RFX8: variants seen among roughly 807,000 people sequenced by gnomAD.
RFX8 encodes the protein regulatory factor X8.
A neutral mutation model predicts 54.6 loss-of-function variants in RFX8; 46 were observed. That is an observed-to-expected ratio of 0.84 (90% confidence interval 0.67 to 1.08). RFX8 has a LOEUF of 1.08. RFX8 is among the 50% of genes least tolerant of loss of function. RFX8 has a pLI of 0.00. For synonymous variants in RFX8, 192 were observed against 209.5 expected, an observed-to-expected ratio of 0.92 and a Z score of 0.72; for missense variants, 536 against 562.3, an observed-to-expected ratio of 0.95 and a Z score of 0.47.
chr2:101,421,304 C>T (rs960729960), intron 4 of RFX8: 21 of 987,616 alleles, frequency 2.1e-5, no homozygotes, highest in South Asian at 4.7e-5. Flanking sequence ...TAAATCCAAT[C>T]GTGACAATAC....
intron 2 of RFX8, among the ~76,000 whole-genome samples, chr2:101,439,464 C>T (rs1687964419): frequency 6.6e-6 from 1 of 152,000 alleles, no homozygotes; most frequent in Non-Finnish European, 1.5e-5. Context: ...TGTGCAAGTC[C>T]CAGTGATTTT....
rs180738859 is a variant in RFX8 at position 101,403,219 on chromosome 2, C to T, written c.929-467G>A. ...CTTGCCCCTCTTGCAGACCCTGTGG[C>T]TGCAGCTCTTTGTGTGGGAAGTGGG... On this transcript the variant is annotated intron_variant, in intron 10 of 11. Transcript: ENST00000428343. Among the ~76,000 whole-genome samples, 502 of 152,068 alleles carry T rather than the reference C, an allele frequency of 3.3e-3. 3 individuals are homozygous for T. The highest frequency in any genetic ancestry group is 0.011 in the African/African-American group (468 of 41,550).
intron 2 of RFX8, among the ~76,000 whole-genome samples, chr2:101,442,547 C>A (rs886601720): frequency 3.3e-5 from 5 of 151,132 alleles, no homozygotes; most frequent in Admixed American, 1.3e-4. Flanking sequence ...GCCCTTGAAA[C>A]CTTTTGTGCC....
Position 101,402,514 on chromosome 2 carries a change from C to T in RFX8, c.1167G>A (p.Gln389=), listed in dbSNP as rs1397412439. ...PLGVMPTHMG[Q]GRYPVGVSNM... is the part of the protein sequence containing the mutation. ...TGCTCACACCCACGGGATATCGGCCCTGGCCCATGTGTGTGGGCATCACCC... is the reference window on the plus strand; with the variant it reads ...TGCTCACACCCACGGGATATCGGCCTTGGCCCATGTGTGTGGGCATCACCC... The change falls in exon 11 of 12, where the codon CAG becomes CAA. Residue 389 remains glutamine, a synonymous_variant. Coordinates refer to ENST00000428343, the MANE Select transcript of RFX8 (RefSeq NM_001145664.2). 2.6e-6 allele frequency: 4 copies of T among 1,551,810 alleles called. No homozygotes were observed. Among genetic ancestry groups the T allele is most frequent in the Non-Finnish European group, 2.6e-6 (3 of 1,147,018 alleles).
At chr2:101,422,858 C>A (rs1219735817) in intron 2 of RFX8, among the ~76,000 whole-genome samples, 1 of 152,152 alleles carries the variant, frequency 6.6e-6, no homozygotes, top group African/African-American at 2.4e-5. Flanking sequence ...TAAAATCATC[C>A]CTGTTTGGGT....
intron 1 of RFX8, among the ~76,000 whole-genome samples, chr2:101,471,662 C>G (rs1690004520): frequency 6.6e-6 from 1 of 152,106 alleles, no homozygotes; most frequent in South Asian, 2.1e-4. Context: ...CTTTGTGCTC[C>G]CCAGAGCTTT....
chr2:101,433,176 C>T (rs968192635), intron 2 of RFX8, among the ~76,000 whole-genome samples: 14 of 152,234 alleles, frequency 9.2e-5, no homozygotes, highest in African/African-American at 2.2e-4. Context: ...TCACATGAAG[C>T]GACAGGGCCT....
intron 1 of RFX8, among the ~76,000 whole-genome samples, chr2:101,469,103 TATAAGTGTATATATATATAA>T: frequency 3.8e-5 from 1 of 26,656 alleles, no homozygotes; most frequent in African/African-American, 1.1e-4. Flanking sequence ...AGTATATATA[TATAAGTGTATATATATATAA>T]GTATATATAT....
chr2:101,470,388 C>T (rs1299710109), intron 1 of RFX8, among the ~76,000 whole-genome samples: 1 of 152,138 alleles, frequency 6.6e-6, no homozygotes, highest in African/African-American at 2.4e-5. Context: ...ACCTGGGGCT[C>T]CAAGGAGAGA....
chr2:101,449,678 G>A (rs958810243), intron 2 of RFX8, among the ~76,000 whole-genome samples: 5 of 152,186 alleles, frequency 3.3e-5, no homozygotes, highest in Non-Finnish European at 5.9e-5. Flanking sequence ...TAGAGAGCCA[G>A]GGAGGAATGC....
intron 1 of RFX8, among the ~76,000 whole-genome samples, chr2:101,470,788 C>T (rs143855558): frequency 0.046 from 6,500 of 141,268 alleles, 475 homozygotes; most frequent in African/African-American, 0.16. Flanking sequence ...GGCGCGATCT[C>T]GGCTTAATGC....
At chr2:101,440,717 CCTT>C (rs1688052213) in intron 2 of RFX8, among the ~76,000 whole-genome samples, 1 of 152,164 alleles carries the variant, frequency 6.6e-6, no homozygotes, top group Non-Finnish European at 1.5e-5. Flanking sequence ...TCCTGTGAGT[CCTT>C]CTACTGGATC....
At chr2:101,409,474 C>T (rs1402185497) in intron 9 of RFX8, among the ~76,000 whole-genome samples, 1 of 151,918 alleles carries the variant, frequency 6.6e-6, no homozygotes, top group Non-Finnish European at 1.5e-5. Context: ...GATCTGCCTG[C>T]CTCGGCCACC....
chr2:101,416,203 T>C (rs1686499857), intron 6 of RFX8, among the ~76,000 whole-genome samples: 1 of 148,366 alleles, frequency 6.7e-6, no homozygotes, highest in Non-Finnish European at 1.5e-5. Context: ...GGGAGGGGGG[T>C]GGAAGAAGGA....
intron 2 of RFX8, among the ~76,000 whole-genome samples, chr2:101,461,262 CAAAAA>C (rs11350961): frequency 2.2e-5 from 2 of 89,908 alleles, no homozygotes; most frequent in Non-Finnish European, 2.1e-5. Context: ...GACTCCATCT[CAAAAA>C]AAAAAAAAAA....
chr2:101,411,148 G>C (rs1049513884), intron 8 of RFX8, among the ~76,000 whole-genome samples: 16 of 152,228 alleles, frequency 1.1e-4, no homozygotes, highest in African/African-American at 3.9e-4. Context: ...CTTGCCTGCG[G>C]TTATGCACTC....
At chr2:101,452,831 G>T (rs968187506) in intron 2 of RFX8, among the ~76,000 whole-genome samples, 1 of 152,070 alleles carries the variant, frequency 6.6e-6, no homozygotes, top group Non-Finnish European at 1.5e-5. Context: ...CAAAGGCTGG[G>T]CATGGTGGCT....
chr2:101,465,145 C>G (rs1477851493), intron 2 of RFX8, among the ~76,000 whole-genome samples: 2 of 152,186 alleles, frequency 1.3e-5, no homozygotes, highest in Admixed American at 1.3e-4. Context: ...AACATAGCCA[C>G]TTCAGCAGGT....
In RFX8 at chr2:101,468,579, C is replaced by T. The variant is rs148065421; in HGVS notation, c.-52-1679G>A. On this transcript the variant is annotated intron_variant, in intron 1 of 11. Transcript: ENST00000428343. Reference sequence around the variant, plus strand: ...TGCTGGGATTACAGGCATGAGTCACCGTGCATGGCTAGTATCTCTGTGAAT... The same window carrying T: ...TGCTGGGATTACAGGCATGAGTCACTGTGCATGGCTAGTATCTCTGTGAAT... Among the ~76,000 whole-genome samples, 518 of 152,058 alleles carry T rather than the reference C, an allele frequency of 3.4e-3. 3 individuals carry two copies. The highest frequency in any genetic ancestry group is 3.4e-3 in the Non-Finnish European group (234 of 67,970).
Sources: allele counts gnomAD v4.1 joint callset (sites outside exome capture counted in the v4.1 genomes callset), GRCh38; gene constraint gnomAD v4.1.1; transcripts MANE v1.5; gene names NCBI Gene and HGNC (gene_info 2026-07-23, HGNC 2026-07-21).